The following DOCK8 variants were observed in gnomAD, a reference collection of about 807,000 sequenced individuals.
The protein encoded by DOCK8 is dedicator of cytokinesis protein 8.
A neutral mutation model predicts 245.6 loss-of-function variants in DOCK8; 141 were observed. The observed-to-expected ratio is 0.57, with a 90% CI of 0.50 to 0.66. The LOEUF is 0.66. Among genes scored for constraint, DOCK8 ranks in the 30% least tolerant of loss-of-function variants. DOCK8 has a pLI of 0.00. For missense variants in DOCK8, 2,965 were observed against 2,603.4 expected, an observed-to-expected ratio of 1.14 and a Z score of -3.02; for synonymous variants, 1,168 against 970.2, an observed-to-expected ratio of 1.20 and a Z score of -3.79.
chr9:404,846 T>C, intron 26 of DOCK8, 72 bp from the exon 27 acceptor site: 1 of 1,539,940 alleles, frequency 6.5e-7, no homozygotes, highest in Non-Finnish European at 8.9e-7. Flanking sequence ...AAGGATATTT[T>C]TGTGTCTGCC....
chr9:333,598 C>G (rs1428333372), intron 10 of DOCK8, among the ~76,000 whole-genome samples: 1 of 124,476 alleles, frequency 8.0e-6, no homozygotes, highest in African/African-American at 3.5e-5. Flanking sequence ...GAGACTCTGT[C>G]TCAAAAAAAA....
At position 428,381 on chromosome 9, in the gene DOCK8, G is replaced by C; in HGVS notation, c.4358G>C (p.Cys1453Ser). The change falls in exon 35 of 48, where the codon TGT becomes TCT. Residue 1453 changes from cysteine (C) to serine (S), a missense_variant. Cys to Ser is a moderately radical substitution (Grantham distance 112). Transcript: ENST00000432829. The stretch of plus-strand genomic sequence containing the variant: ...CCCCAGGCGAGCTCGGCTCTGGACT[G>C]TAAAGACAGCCTGCTGGGAGGTGTT... Reference protein sequence around the residue: ...NIIQASSALDCKDSLLGGVLR... With the variant: ...NIIQASSALDSKDSLLGGVLR... 6.2e-7 allele frequency: 1 copy of C among 1,614,180 alleles called. No homozygotes were observed. Among genetic ancestry groups the C allele is most frequent in the Non-Finnish European group, 8.5e-7 (1 of 1,180,036 alleles).
chr9:392,423 A>G (rs1410382665), intron 24 of DOCK8, among the ~76,000 whole-genome samples: 1 of 152,208 alleles, frequency 6.6e-6, no homozygotes, highest in Non-Finnish European at 1.5e-5. Context: ...GAAGGGTCCC[A>G]AAGCATGGTC....
At chr9:409,569 T>A (rs959345919) in intron 28 of DOCK8, among the ~76,000 whole-genome samples, 2 of 152,204 alleles carry the variant, frequency 1.3e-5, no homozygotes, top group African/African-American at 4.8e-5. Flanking sequence ...ATATATTTTT[T>A]AAATCTGGAT....
intron 41 of DOCK8, 136 bp downstream of exon 41, chr9:441,553 A>G: frequency 2.2e-6 from 3 of 1,351,526 alleles, no homozygotes; most frequent in Non-Finnish European, 3.1e-6. Flanking sequence ...TGTCAAACAG[A>G]AAAGGGCTGA....
intron 18 of DOCK8, among the ~76,000 whole-genome samples, chr9:373,967 C>A (rs2053409464): frequency 6.6e-6 from 1 of 152,158 alleles, no homozygotes; most frequent in Non-Finnish European, 1.5e-5. Flanking sequence ...TGGAGAGAGA[C>A]AAATCTGTGT....
At chr9:339,344 G>A (rs1043775669) in intron 13 of DOCK8, among the ~76,000 whole-genome samples, 1 of 152,146 alleles carries the variant, frequency 6.6e-6, no homozygotes, top group East Asian at 1.9e-4. Context: ...CTCAGATAAT[G>A]AGATAATTGT....
intron 2 of DOCK8, among the ~76,000 whole-genome samples, chr9:279,688 C>A (rs1186024519): frequency 6.6e-6 from 1 of 152,162 alleles, no homozygotes; most frequent in African/African-American, 2.4e-5. Flanking sequence ...TTGAATTTGG[C>A]ATCATGAAGT....
intron 42 of DOCK8, among the ~76,000 whole-genome samples, chr9:442,748 A>G (rs184737300): frequency 1.3e-5 from 2 of 152,248 alleles, no homozygotes; most frequent in Non-Finnish European, 2.9e-5. Flanking sequence ...ATTACCAAGC[A>G]GGACTGGGGT....
At chr9:223,454 G>A (rs564620072) in intron 1 of DOCK8, among the ~76,000 whole-genome samples, 1 of 152,182 alleles carries the variant, frequency 6.6e-6, no homozygotes, top group South Asian at 2.1e-4. Context: ...AAAAAGAAAG[G>A]CACTTTCCCT....
chr9:327,392 C>CTTTTTTTT (rs548852247), intron 8 of DOCK8, among the ~76,000 whole-genome samples: 1 of 131,798 alleles, frequency 7.6e-6, no homozygotes. Context: ...TTTCCCTCAC[C>CTTTTTTTT]TTTTTTTTTT....
intron 5 of DOCK8, among the ~76,000 whole-genome samples, chr9:307,329 GTTTTTTTTGTTTTTTT>G (rs2049882926): frequency 2.7e-5 from 2 of 75,140 alleles, no homozygotes; most frequent in Non-Finnish European, 5.0e-5. Context: ...GTTGTGTGTG[GTTTTTTTTGTTTTTTT>G]TTTTTTTTTT....
chr9:388,691 A>G (rs1005219877), intron 23 of DOCK8, among the ~76,000 whole-genome samples: 2 of 151,974 alleles, frequency 1.3e-5, no homozygotes, highest in Non-Finnish European at 2.9e-5. Flanking sequence ...AGTAGCTGGG[A>G]TTACAACCGT....
intron 18 of DOCK8, among the ~76,000 whole-genome samples, chr9:373,317 T>G (rs1438855484): frequency 6.6e-6 from 1 of 152,240 alleles, no homozygotes; most frequent in Non-Finnish European, 1.5e-5. Context: ...ACATCATATT[T>G]CATTTTAGTC....
chr9:434,036 A>C (rs896302535), intron 38 of DOCK8, 61 bp downstream of exon 38: 11 of 1,164,272 alleles, frequency 9.4e-6, no homozygotes, highest in African/African-American at 9.0e-5. Flanking sequence ...GTCACTGTGG[A>C]GTTCTTACTA....
intron 2 of DOCK8, among the ~76,000 whole-genome samples, chr9:274,239 C>T (rs562342491): frequency 2.6e-5 from 4 of 152,234 alleles, no homozygotes; most frequent in African/African-American, 9.6e-5. Flanking sequence ...AAACCAGCAA[C>T]AATAAGTAAA....
chr9:438,237 A>C (rs1183976820), intron 39 of DOCK8, among the ~76,000 whole-genome samples: 1 of 152,186 alleles, frequency 6.6e-6, no homozygotes, highest in Admixed American at 6.5e-5. Context: ...TCACAAGCCA[A>C]CTCTGATCAG....
chr9:371,864 G>A (rs1302976520), intron 17 of DOCK8, among the ~76,000 whole-genome samples: 1 of 152,068 alleles, frequency 6.6e-6, no homozygotes, highest in African/African-American at 2.4e-5. Flanking sequence ...AACTAGCTTT[G>A]TCCCCCAAGA....
intron 4 of DOCK8, among the ~76,000 whole-genome samples, chr9:291,621 T>C (rs2049042461): frequency 6.6e-6 from 1 of 152,168 alleles, no homozygotes; most frequent in African/African-American, 2.4e-5. Flanking sequence ...AGGTGATTCC[T>C]TCCTTTTCAG....
Sources: allele counts gnomAD v4.1 joint callset (sites outside exome capture counted in the v4.1 genomes callset), GRCh38; gene constraint gnomAD v4.1.1; transcripts MANE v1.5; gene names NCBI Gene and HGNC (gene_info 2026-07-23, HGNC 2026-07-21).